Variants in ZNF567 observed in about 807,000 individuals in gnomAD.
ZNF567 encodes zinc finger protein 567.
A neutral mutation model predicts 53.9 loss-of-function variants in ZNF567; 36 were observed. The observed-to-expected ratio is 0.67, with a 90% CI of 0.51 to 0.88. The LOEUF (loss-of-function observed/expected upper bound fraction) is 0.88. Ranked by LOEUF, ZNF567 falls within the 40% of genes least tolerant of loss-of-function variation. The pLI is 0.00. For synonymous variants in ZNF567, 224 were observed against 260.4 expected (o/e 0.86, Z 1.35); for missense variants, 619 against 764.7 (o/e 0.81, Z 2.25).
At chr19:36,715,748 T>C (rs1178664159) in intron 5 of ZNF567, among the ~76,000 whole-genome samples, 9 of 149,120 alleles carry the variant, frequency 6.0e-5, no homozygotes, top group South Asian at 2.2e-4. Context: ...AGGCTGGTCT[T>C]GAACTCCTGA....
chr19:36,720,407 T>G lies in ZNF567; in HGVS notation c.1683T>G (p.Tyr561Ter), dbSNP rs1310314115. ...AAATACATACCGGCCAGAAATCCTA[T>G]GAATGTCCTCAGTGTGGGAAAGCCT... ...HQKIHTGQKS[Y>*]ECPQCGKAFS... Residue 561 changes from tyrosine to a stop codon, truncating the protein, a stop_gained, in exon 6 of 6, where the codon TAT becomes TAG. Coordinates refer to ENST00000682579, the MANE Select transcript of ZNF567 (RefSeq NM_001322917.1). LOFTEE classifies it high-confidence loss of function. The G allele has an allele frequency of 1.9e-6, 3 of 1,613,964 alleles. No homozygotes were observed. The African/African-American group carries it at 4.0e-5, about 22-fold the overall frequency.
upstream of ZNF567, chr19:36,686,070 C>T (rs759248836): frequency 6.6e-6 from 1 of 152,224 alleles, no homozygotes; most frequent in Admixed American, 6.5e-5. Flanking sequence ...GAAGCTTTGT[C>T]TCAGAAGTCT....
chr19:36,720,601 T>A lies in ZNF567; in HGVS notation c.1877T>A (p.Phe626Tyr). Residue 626 changes from phenylalanine (F) to tyrosine (Y), a missense_variant, in exon 6 of 6, where the codon TTC (phenylalanine) becomes TAC (tyrosine). Physicochemically the swap from Phe to Tyr is conservative, Grantham distance 22 (BLOSUM62 3). Coordinates refer to ENST00000682579, the MANE Select transcript of ZNF567 (RefSeq NM_001322917.1). The stretch of plus-strand genomic sequence containing the variant: ...GTTTGTAATGAGTGTGGTAAGTCTT[T>A]CAGTTATAAGAGAAACCTCATTGTC... ...PYVCNECGKS[F>Y]SYKRNLIVHQ... The A allele has an allele frequency of 6.2e-7, 1 of 1,603,990 alleles. No homozygotes were observed. Among genetic ancestry groups the A allele is most frequent in the South Asian group, 1.1e-5 (1 of 88,960 alleles).
At chr19:36,682,607 A>T in the ZNF567 span, among the ~76,000 whole-genome samples, 151 of 142,586 alleles carry the variant, frequency 1.1e-3, no homozygotes, top group African/African-American at 3.3e-3. Flanking sequence ...TATTATTATT[A>T]TTATTATTTT....
chr19:36,718,340 A>G (rs2040157783), intron 5 of ZNF567, among the ~76,000 whole-genome samples: 1 of 152,142 alleles, frequency 6.6e-6, no homozygotes, highest in Admixed American at 6.5e-5. Flanking sequence ...TCTACTAAAA[A>G]TACAAAAAAT....
At position 36,719,574 on chromosome 19, in the gene ZNF567, C is replaced by T. The variant is rs762976941; in HGVS notation, c.850C>T (p.His284Tyr). 1.9e-6 allele frequency: 3 copies of T among 1,613,984 alleles called. No homozygotes were observed. Among genetic ancestry groups the T allele is most frequent in the Non-Finnish European group, 2.5e-6 (3 of 1,180,016 alleles). Residue 284 changes from histidine (H) to tyrosine (Y), a missense_variant, in exon 6 of 6, where the codon CAT (histidine) becomes TAT (tyrosine). Transcript: ENST00000682579. Reference sequence around the variant, plus strand: ...CTCAGAAGAAAAACCCTATCAATGTCATCAATGTGGAAATGCATTTAGAAG... The same window carrying T: ...CTCAGAAGAAAAACCCTATCAATGTTATCAATGTGGAAATGCATTTAGAAG... Reference protein sequence around the residue: ...IHSEEKPYQCHQCGNAFRRKS... With the variant: ...IHSEEKPYQCYQCGNAFRRKS...
At chr19:36,693,631 T>G (rs2038732405) in intron 2 of ZNF567, among the ~76,000 whole-genome samples, 1 of 152,166 alleles carries the variant, frequency 6.6e-6, no homozygotes, top group African/African-American at 2.4e-5. Flanking sequence ...AGAAAAACTG[T>G]CAAGGAAGTA....
At chr19:36,682,308 A>C in the ZNF567 span, among the ~76,000 whole-genome samples, 1 of 151,468 alleles carries the variant, frequency 6.6e-6, no homozygotes, top group African/African-American at 2.4e-5. Context: ...AAAAAGGTTA[A>C]ATTACAAGCT....
intron 2 of ZNF567, among the ~76,000 whole-genome samples, chr19:36,690,493 G>T (rs962678434): frequency 2.0e-5 from 3 of 152,116 alleles, no homozygotes; most frequent in East Asian, 3.9e-4. Flanking sequence ...AGGAGACTGA[G>T]GTGGGAGGAT....
At chr19:36,724,032 G>A (rs1249730464), downstream of ZNF567, among the ~76,000 whole-genome samples, 1 of 106,168 alleles carries the variant, frequency 9.4e-6, no homozygotes, top group African/African-American at 3.8e-5. Flanking sequence ...TTTTGAGACA[G>A]TTTCACTCTT....
intron 3 of ZNF567, among the ~76,000 whole-genome samples, chr19:36,709,721 T>A (rs1418325784): frequency 6.6e-6 from 1 of 150,576 alleles, no homozygotes; most frequent in East Asian, 1.9e-4. Context: ...GCCTCAGCCC[T>A]CCAAAGTGCC....
At chr19:36,697,183 G>T (rs2038930047) in intron 3 of ZNF567, among the ~76,000 whole-genome samples, 1 of 152,114 alleles carries the variant, frequency 6.6e-6, no homozygotes. Flanking sequence ...TCTCAGTAAT[G>T]TTCCTTTCAG....
chr19:36,673,336 C>G, the ZNF567 span, among the ~76,000 whole-genome samples: 1 of 152,216 alleles, frequency 6.6e-6, no homozygotes, highest in Non-Finnish European at 1.5e-5. Context: ...GTCAACTTGA[C>G]TGGGCCATGA....
chr19:36,688,801 C>T (rs1158163194), intron 1 of ZNF567, among the ~76,000 whole-genome samples: 3 of 114,414 alleles, frequency 2.6e-5, no homozygotes, highest in Admixed American at 9.7e-5. Context: ...AGCAAGACTC[C>T]GTCTCAAAAA....
downstream of ZNF567, among the ~76,000 whole-genome samples, chr19:36,721,505 TG>T (rs1391510875): frequency 1.3e-5 from 2 of 152,158 alleles, no homozygotes; most frequent in African/African-American, 4.8e-5. Flanking sequence ...TAATAAATCA[TG>T]GACATGTGAA....
downstream of ZNF567, among the ~76,000 whole-genome samples, chr19:36,721,693 G>T (rs143542065): frequency 7.3e-3 from 1,099 of 149,850 alleles, 6 homozygotes; most frequent in Admixed American, 0.013. Flanking sequence ...GGGACATTGA[G>T]AAGGGAAATA....
intron 2 of ZNF567, among the ~76,000 whole-genome samples, chr19:36,690,278 T>C (rs550722833): frequency 3.3e-4 from 50 of 152,294 alleles, no homozygotes; most frequent in African/African-American, 1.2e-3. Flanking sequence ...ACATGATATG[T>C]TATTAAAGAG....
intron 2 of ZNF567, among the ~76,000 whole-genome samples, chr19:36,690,149 T>C (rs1272707286): frequency 6.6e-6 from 1 of 152,180 alleles, no homozygotes; most frequent in Non-Finnish European, 1.5e-5. Context: ...TCAGGGTTGT[T>C]GGAAAAAACA....
chr19:36,723,450 C>A, downstream of ZNF567: 1 of 541,962 alleles, frequency 1.8e-6, no homozygotes, highest in Non-Finnish European at 3.3e-6. Context: ...TATTTTCAAA[C>A]ATACTACATA....
Sources: gnomAD v4.1 joint callset for allele counts (sites outside exome capture counted in the v4.1 genomes callset) on GRCh38, gnomAD v4.1.1 for gene constraint, MANE v1.5 for transcripts, NCBI Gene and HGNC (gene_info 2026-07-23, HGNC 2026-07-21) for gene names.